TMEM200C: variants seen among roughly 807,000 people sequenced by gnomAD.
TMEM200C encodes the protein transmembrane protein TTMA.
For missense variants in TMEM200C, 966 were observed against 699.9 expected (o/e 1.38, Z -4.29); for synonymous variants, 462 against 324.7 (o/e 1.42, Z -4.55).
At chr18:5,895,432 G>C (rs1280090891) in exon 2 of TMEM200C, 1 of 150,398 alleles carries the variant, frequency 6.6e-6, no homozygotes, top group Non-Finnish European at 1.5e-5. Flanking sequence ...CCGCCGGGTG[G>C]AGTTGAGCCC....
chr18:5,884,840 T>C (rs1020097749), exon 3 of TMEM200C: 9 of 152,218 alleles, frequency 5.9e-5, no homozygotes, highest in Admixed American at 5.2e-4. Flanking sequence ...TTTAGACATA[T>C]AGACATAGTT....
At chr18:5,895,383 C>G (rs992387865) in exon 2 of TMEM200C, 1 of 151,388 alleles carries the variant, frequency 6.6e-6, no homozygotes, top group Non-Finnish European at 1.5e-5. Context: ...GCGCCGCCGG[C>G]CCTCGCGCCT....
Position 5,892,021 on chromosome 18 carries a change from G to A in TMEM200C, c.43C>T (p.Gln15Ter). Residue 15 changes from glutamine to a stop codon, truncating the protein, a stop_gained, in exon 3 of 3, where the codon CAG (glutamine) becomes TAG (stop). Transcript: ENST00000581347. LOFTEE classifies it low-confidence loss of function (END_TRUNC). ...TGGCTTGGGGGGCGGAGTGGATCCT[G>A]CTTTCTGGCGGAAATCCTTAGCAGG... 2 of 1,613,886 alleles carry A rather than the reference G, an allele frequency of 1.2e-6. No individual in the cohort carries two copies. The highest frequency in any genetic ancestry group is 1.7e-6 in the Non-Finnish European group (2 of 1,179,872).
chr18:5,895,211 C>T (rs1253036815), exon 2 of TMEM200C: 3 of 151,962 alleles, frequency 2.0e-5, no homozygotes, highest in African/African-American at 7.2e-5. Context: ...CTCGCAGTCC[C>T]CGCCGGCGCT....
exon 3 of TMEM200C, chr18:5,886,682 A>C (rs907698533): frequency 1.3e-5 from 2 of 152,140 alleles, no homozygotes; most frequent in Non-Finnish European, 2.9e-5. Flanking sequence ...TAAGTCCTTT[A>C]ATTATATTAG....
At chr18:5,886,725 A>G (rs1011256984) in exon 3 of TMEM200C, 2 of 152,162 alleles carry the variant, frequency 1.3e-5, no homozygotes, top group African/African-American at 4.8e-5. Flanking sequence ...AATTAATTCT[A>G]TGTGCCAAAT....
exon 3 of TMEM200C, chr18:5,887,891 A>AC (rs1423879415): frequency 6.6e-6 from 1 of 152,240 alleles, no homozygotes; most frequent in African/African-American, 2.4e-5. Context: ...AAAAAAATCT[A>AC]GTTAAATTGT....
exon 3 of TMEM200C, chr18:5,886,716 A>G (rs1330712955): frequency 6.6e-6 from 1 of 152,154 alleles, no homozygotes; most frequent in Admixed American, 6.6e-5. Context: ...CATTTAAATA[A>G]TTAATTCTAT....
chr18:5,895,710 C>G (rs1051000153), intron 1 of TMEM200C, 188 bp from the exon 1 acceptor site: 1 of 150,050 alleles, frequency 6.7e-6, no homozygotes, highest in African/African-American at 2.4e-5. Flanking sequence ...TGAGGGGAGG[C>G]GGCGGAGGCA....
Position 5,890,299 on chromosome 18 carries a change from G to A in TMEM200C, c.1765C>T (p.Gln589Ter). 1.2e-6 allele frequency: 2 copies of A among 1,601,600 alleles called. No homozygotes were observed. The highest frequency in any genetic ancestry group is 3.3e-4 in the Middle Eastern group (2 of 6,048). Residue 589 changes from glutamine to a stop codon, truncating the protein, a stop_gained, in exon 3 of 3, where the codon CAG becomes TAG. Coordinates refer to ENST00000581347, the Ensembl canonical transcript of TMEM200C. LOFTEE classifies it low-confidence loss of function (END_TRUNC). ...TTTGTAAACTGCCTCTGCACCGGCT[G>A]AGGTTGCTCGGCCGTGGGTGGCTCC...
Position 5,891,873 on chromosome 18 carries a change from A to T in TMEM200C, c.191T>A (p.Leu64Gln). The change falls in exon 3 of 3, where the codon CTG becomes CAG. Residue 64 changes from leucine (L) to glutamine (Q), a missense_variant. Coordinates refer to ENST00000581347, the Ensembl canonical transcript of TMEM200C. This position sits in a 1 kb window ranked among gnomAD's most constrained non-coding sequence, Gnocchi z 4.7. Reference sequence around the variant, plus strand: ...CACCACCGCCATGGCTATGCCCACCAGCAGCACCAGGATCCCACAGAGGGC... The same window carrying T: ...CACCACCGCCATGGCTATGCCCACCTGCAGCACCAGGATCCCACAGAGGGC... 1 of 1,611,570 alleles carries T rather than the reference A, an allele frequency of 6.2e-7. No homozygotes were observed. Among genetic ancestry groups the T allele is most frequent in the Non-Finnish European group, 8.5e-7 (1 of 1,179,818 alleles).
exon 3 of TMEM200C, chr18:5,888,547 C>T (rs562467069): frequency 6.6e-6 from 1 of 151,984 alleles, no homozygotes; most frequent in Non-Finnish European, 1.5e-5. Context: ...TACCAGAGGC[C>T]CAGAGGGATT....
chr18:5,890,512 TG>T lies in TMEM200C; in HGVS notation c.1551del (p.Thr518ProfsTer37), dbSNP rs771174413. On this transcript the variant is annotated frameshift_variant, in exon 3 of 3. Coordinates refer to ENST00000581347, the Ensembl canonical transcript of TMEM200C. LOFTEE classifies it low-confidence loss of function (END_TRUNC). ...TGGGAGCTCCCGGAGTCCCGCCTGG[TG>T]GGGGGCGAGCCCTCCAGCCGCAGGG... 34 of 1,511,000 alleles carry T rather than the reference TG, an allele frequency of 2.3e-5. No individual in the cohort carries two copies. In the Middle Eastern group the frequency reaches 5.3e-4, roughly 23 times the overall value. The allele number at this position is 1,511,000 out of a possible 1,614,324, so 93.6% of individuals were successfully genotyped here. A position where few individuals can be genotyped will look rare whatever the true frequency, so the allele number is the denominator to read the frequency against.
chr18:5,891,994 T>C lies in TMEM200C; in HGVS notation c.70A>G (p.Ile24Val). ...TTGGCTTTCCGCTTGCGCTTGGGTATCTGGCTTGGGGGGCGGAGTGGATCC... is the reference window on the plus strand; with the variant it reads ...TTGGCTTTCCGCTTGCGCTTGGGTACCTGGCTTGGGGGGCGGAGTGGATCC... Residue 24 changes from isoleucine (I) to valine (V), a missense_variant, in exon 3 of 3, where the codon ATA (isoleucine) becomes GTA (valine). Transcript: ENST00000581347. The surrounding 1 kb of genome is among the most constrained non-coding windows in gnomAD (Gnocchi z 4.7). 1 of 1,613,962 alleles carries C rather than the reference T, an allele frequency of 6.2e-7. No individual in the cohort carries two copies. Among genetic ancestry groups the C allele is most frequent in the African/African-American group, 1.3e-5 (1 of 75,052 alleles).
exon 3 of TMEM200C, chr18:5,892,115 G>T (rs1427218883): frequency 6.5e-7 from 1 of 1,534,222 alleles, no homozygotes; most frequent in African/African-American, 1.4e-5. Context: ...CTTGCACAGG[G>T]AGGGCGCCAA....
chr18:5,890,904 C>T (rs1420270055), exon 3 of TMEM200C: 2 of 682,544 alleles, frequency 2.9e-6, no homozygotes, highest in East Asian at 2.9e-5. Context: ...CCTATCGCGG[C>T]CCCCTTGCAA....
chr18:5,889,599 C>A (rs1029620936), exon 3 of TMEM200C: 7 of 152,122 alleles, frequency 4.6e-5, no homozygotes, highest in African/African-American at 1.4e-4. Flanking sequence ...AACGTACACA[C>A]CCGTTTAAAA....
chr18:5,896,135 C>A (rs1346607680), upstream of TMEM200C, among the ~76,000 whole-genome samples: 1 of 152,160 alleles, frequency 6.6e-6, no homozygotes, highest in East Asian at 1.9e-4. Context: ...GGAGCCGCCC[C>A]CGCCGGGACG....
At chr18:5,886,875 G>T (rs1264755021) in exon 3 of TMEM200C, 1 of 152,086 alleles carries the variant, frequency 6.6e-6, no homozygotes, top group African/African-American at 2.4e-5. Flanking sequence ...TTAATAAAAA[G>T]GAAGGTCATA....
Sources: gnomAD v4.1 joint callset for allele counts (sites outside exome capture counted in the v4.1 genomes callset) on GRCh38, gnomAD v4.1.1 for gene constraint, Gnocchi (gnomAD v3.1) non-coding constraint, MANE v1.5 for transcripts, NCBI Gene and HGNC (gene_info 2026-07-23, HGNC 2026-07-21) for gene names.